Variants in FHIT observed in about 807,000 individuals in gnomAD.
FHIT encodes fragile histidine triad diadenosine triphosphatase, also known as bis(5'-adenosyl)-triphosphatase.
In FHIT, 19 loss-of-function variants were observed where a neutral mutation model predicts 17.9. That is an observed-to-expected ratio of 1.06 (90% confidence interval 0.74 to 1.56). The LOEUF (loss-of-function observed/expected upper bound fraction) is 1.56. FHIT is among the 40% of genes most tolerant of loss of function. The pLI is 0.00. For synonymous variants in FHIT, 81 were observed against 69.7 expected (o/e 1.16, Z -0.81); for missense variants, 248 against 189.2 (o/e 1.31, Z -1.82).
intron 7 of FHIT, among the ~76,000 whole-genome samples, chr3:59,964,526 A>T (rs769904057): frequency 1.3e-5 from 2 of 152,180 alleles, no homozygotes; most frequent in Non-Finnish European, 2.9e-5. Flanking sequence ...TAGTGACTTA[A>T]GAATTTTGGT....
chr3:60,138,778 C>T (rs919059427), intron 5 of FHIT, among the ~76,000 whole-genome samples: 1 of 152,046 alleles, frequency 6.6e-6, no homozygotes, highest in Admixed American at 6.6e-5. Context: ...AGGATGACCA[C>T]GAGGAGTACC....
At chr3:60,653,668 A>C (rs199774763) in intron 4 of FHIT, among the ~76,000 whole-genome samples, 1 of 6,918 alleles carries the variant, frequency 1.4e-4, no homozygotes, top group Non-Finnish European at 4.1e-4. Flanking sequence ...CCTGAAAAGT[A>C]AAAAAAAAAA....
At chr3:60,363,379 T>C (rs1576540786) in intron 5 of FHIT, among the ~76,000 whole-genome samples, 1 of 152,142 alleles carries the variant, frequency 6.6e-6, no homozygotes, top group African/African-American at 2.4e-5. Flanking sequence ...TCAAAACAAA[T>C]CTAATCACCT....
chr3:60,711,355 A>C (rs1249042975), intron 4 of FHIT, among the ~76,000 whole-genome samples: 1 of 152,230 alleles, frequency 6.6e-6, no homozygotes, highest in Non-Finnish European at 1.5e-5. Flanking sequence ...GGAAACTCTA[A>C]AAAGCAGAGC....
chr3:59,949,856 C>T (rs188679492), intron 7 of FHIT, among the ~76,000 whole-genome samples: 16 of 152,278 alleles, frequency 1.1e-4, no homozygotes, highest in African/African-American at 3.6e-4. Context: ...TGATGGGGAA[C>T]GCAGGGTATG....
chr3:60,318,195 T>C (rs1436497387), intron 5 of FHIT, among the ~76,000 whole-genome samples: 1 of 152,130 alleles, frequency 6.6e-6, no homozygotes, highest in African/African-American at 2.4e-5. Context: ...CATTAAAATG[T>C]TTGAAAATAA....
chr3:60,845,420 A>G (rs1702891984), intron 3 of FHIT, among the ~76,000 whole-genome samples: 1 of 152,152 alleles, frequency 6.6e-6, no homozygotes, highest in African/African-American at 2.4e-5. Flanking sequence ...GAGAGAGACA[A>G]CGTCTGGCTT....
chr3:60,535,392 A>G (rs2035944994), intron 5 of FHIT, among the ~76,000 whole-genome samples: 1 of 152,226 alleles, frequency 6.6e-6, no homozygotes, highest in Non-Finnish European at 1.5e-5. Flanking sequence ...GAGAGATGGC[A>G]TTTAAACCAT....
At chr3:60,519,984 A>G (rs969932876) in intron 5 of FHIT, among the ~76,000 whole-genome samples, 4 of 152,212 alleles carry the variant, frequency 2.6e-5, no homozygotes, top group Non-Finnish European at 5.9e-5. Context: ...CAATAGCAAT[A>G]CAAGGTGGCT....
intron 3 of FHIT, among the ~76,000 whole-genome samples, chr3:61,020,124 C>T (rs1417326404): frequency 1.3e-5 from 2 of 152,172 alleles, no homozygotes; most frequent in Non-Finnish European, 2.9e-5. Context: ...CAGTCTTCCA[C>T]AATGGTTGAA....
chr3:59,820,213 C>G (rs1575546897), intron 8 of FHIT, among the ~76,000 whole-genome samples: 1 of 152,198 alleles, frequency 6.6e-6, no homozygotes, highest in Admixed American at 6.5e-5. Flanking sequence ...CTAATCTAGC[C>G]TAGAGAAGTA....
intron 5 of FHIT, among the ~76,000 whole-genome samples, chr3:60,390,635 GA>G: frequency 1.3e-5 from 2 of 152,028 alleles, no homozygotes; most frequent in African/African-American, 4.8e-5. Flanking sequence ...ACAAGATGTG[GA>G]GGTGGAAGAC....
chr3:61,105,811 A>T (rs1016919549), intron 2 of FHIT, among the ~76,000 whole-genome samples: 1 of 152,208 alleles, frequency 6.6e-6, no homozygotes, highest in African/African-American at 2.4e-5. Context: ...GTTCTTTCCT[A>T]CTGGAGAATT....
At chr3:60,933,507 G>A (rs953389290) in intron 3 of FHIT, among the ~76,000 whole-genome samples, 2 of 152,162 alleles carry the variant, frequency 1.3e-5, no homozygotes, top group East Asian at 1.9e-4. Context: ...CATTTTAAAA[G>A]CTCAAGAGCC....
chr3:61,089,345 T>G (rs2035407199), intron 2 of FHIT, among the ~76,000 whole-genome samples: 1 of 152,198 alleles, frequency 6.6e-6, no homozygotes, highest in Admixed American at 6.5e-5. Flanking sequence ...AAACATTTCA[T>G]CACCTCCAAG....
intron 2 of FHIT, among the ~76,000 whole-genome samples, chr3:61,131,536 G>A (rs1277554840): frequency 6.6e-6 from 1 of 152,214 alleles, no homozygotes; most frequent in Non-Finnish European, 1.5e-5. Context: ...TTGGTCAGGA[G>A]AGGACTGCGT....
chr3:59,939,929 G>A (rs1706429165), intron 7 of FHIT, among the ~76,000 whole-genome samples: 1 of 152,124 alleles, frequency 6.6e-6, no homozygotes, highest in Admixed American at 6.6e-5. Flanking sequence ...CAGCAAGTCA[G>A]GATTTCACAG....
At chr3:60,600,442 C>T (rs1348039926) in intron 4 of FHIT, among the ~76,000 whole-genome samples, 2 of 152,076 alleles carry the variant, frequency 1.3e-5, no homozygotes, top group African/African-American at 4.8e-5. Flanking sequence ...CCACCTCCAC[C>T]CTGCAAGAAA....
chr3:60,427,888 G>A (rs998339311), intron 5 of FHIT, among the ~76,000 whole-genome samples: 1 of 152,034 alleles, frequency 6.6e-6, no homozygotes, highest in African/African-American at 2.4e-5. Flanking sequence ...AGCTGGGCCA[G>A]TCCTGTTAAT....
Sources: gnomAD v4.1 joint callset for allele counts (sites outside exome capture counted in the v4.1 genomes callset) on GRCh38, gnomAD v4.1.1 for gene constraint, MANE v1.5 for transcripts, NCBI Gene and HGNC (gene_info 2026-07-23, HGNC 2026-07-21) for gene names.